The following SLC22A3 variants were observed in gnomAD, a reference collection of about 807,000 sequenced individuals.
SLC22A3 encodes the protein EMT organic cation transporter 3.
SLC22A3 carries 51 observed loss-of-function variants against 59.1 expected under a neutral mutation model. The ratio of observed to expected loss-of-function variants is 0.86; its 90% CI spans 0.69 to 1.09. The LOEUF is 1.09. SLC22A3 is among the 50% of genes least tolerant of loss of function. The pLI, the probability that SLC22A3 is intolerant of heterozygous loss-of-function variation, is 0.00. For synonymous variants in SLC22A3, 325 were observed against 292.0 expected (o/e 1.11, Z -1.15); for missense variants, 711 against 726.3 (o/e 0.98, Z 0.24).
chr6:160,411,586 T>G (rs903805816), intron 5 of SLC22A3, among the ~76,000 whole-genome samples: 3 of 151,936 alleles, frequency 2.0e-5, no homozygotes, highest in African/African-American at 7.3e-5. Flanking sequence ...ATAGAAAGTT[T>G]TAAAAACTAT....
At chr6:160,374,007 G>A (rs994782546) in intron 1 of SLC22A3, among the ~76,000 whole-genome samples, 2 of 152,184 alleles carry the variant, frequency 1.3e-5, no homozygotes, top group Non-Finnish European at 2.9e-5. Flanking sequence ...CCCTTTCCAG[G>A]GGAGAGAACA....
intron 2 of SLC22A3, among the ~76,000 whole-genome samples, chr6:160,405,897 G>C (rs565960736): frequency 5.7e-4 from 86 of 152,192 alleles, no homozygotes; most frequent in African/African-American, 1.9e-3. Context: ...TAAAAAAAAG[G>C]ATCAGTGGTT....
At position 160,451,063 on chromosome 6, in the gene SLC22A3, C is replaced by A. The variant is rs751885139; in HGVS notation, c.*7C>A. ...TTCCCGCTCTCACCTTTGAGGCCCC[C>A]GACAAAGACAGAAAGAAGGAGCTAT... On this transcript the variant is annotated 3_prime_UTR_variant, in exon 11 of 11. Coordinates refer to ENST00000275300, the MANE Select transcript of SLC22A3 (RefSeq NM_021977.4). 1.3e-6 allele frequency: 2 copies of A among 1,587,762 alleles called. No individual in the cohort carries two copies. The highest frequency in any genetic ancestry group is 4.6e-5 in the East Asian group (2 of 43,636).
chr6:160,443,783 T>C lies in SLC22A3; in HGVS notation c.1510+41T>C, dbSNP rs750491631. 9 of 1,215,270 alleles carry C rather than the reference T, an allele frequency of 7.4e-6. No individual in the cohort carries two copies. In the South Asian group the frequency reaches 9.6e-5, roughly 13 times the overall value. The allele number at this position is 1,215,270 out of a possible 1,614,324, so 75.3% of individuals were successfully genotyped here. On this transcript the variant is annotated intron_variant, in intron 9 of 10. Transcript: ENST00000275300. The stretch of plus-strand genomic sequence containing the variant: ...CTATTCTTAAGAGCCTTCATCTACA[T>C]TCTTTGTACTAAAAGAGACCTATAA...
intron 1 of SLC22A3, among the ~76,000 whole-genome samples, chr6:160,392,447 C>A (rs942553969): frequency 6.6e-6 from 1 of 152,196 alleles, no homozygotes; most frequent in African/African-American, 2.4e-5. Flanking sequence ...CAGAAATTGA[C>A]CTTGGCTCCC....
chr6:160,435,318 TA>T (rs1165091546), intron 5 of SLC22A3, among the ~76,000 whole-genome samples: 1 of 152,234 alleles, frequency 6.6e-6, no homozygotes, highest in East Asian at 1.9e-4. Flanking sequence ...TATGTACCAC[TA>T]AGTAAAGGAA....
intron 1 of SLC22A3, among the ~76,000 whole-genome samples, chr6:160,388,012 C>T (rs895440745): frequency 6.6e-6 from 1 of 152,160 alleles, no homozygotes; most frequent in Non-Finnish European, 1.5e-5. Flanking sequence ...CCCAGATGAG[C>T]TGGGAGGCAG....
chr6:160,419,445 C>G (rs1033319621), intron 5 of SLC22A3, among the ~76,000 whole-genome samples: 2 of 152,128 alleles, frequency 1.3e-5, no homozygotes, highest in Non-Finnish European at 2.9e-5. Flanking sequence ...TCTTTGTTAA[C>G]TGTTGTGTTT....
chr6:160,368,331 GCTTATTTTC>G (rs1785278748), intron 1 of SLC22A3, among the ~76,000 whole-genome samples: 1 of 152,140 alleles, frequency 6.6e-6, no homozygotes, highest in Non-Finnish European at 1.5e-5. Context: ...CCTGTTGAAA[GCTTATTTTC>G]CACCTGTGCT....
chr6:160,443,568 T>C (rs549604358), intron 8 of SLC22A3, 62 bp from the exon 9 acceptor site: 340 of 1,104,604 alleles, frequency 3.1e-4, no homozygotes, highest in Non-Finnish European at 4.3e-4. Context: ...TCTGAATATG[T>C]TGATTATCTT....
intron 5 of SLC22A3, among the ~76,000 whole-genome samples, chr6:160,428,706 A>G (rs1345282244): frequency 6.6e-6 from 1 of 152,232 alleles, no homozygotes; most frequent in Non-Finnish European, 1.5e-5. Flanking sequence ...CTTACTGGAC[A>G]GCATTGGTCC....
In SLC22A3 at chr6:160,446,116, G is replaced by C. The variant is rs567250605; in HGVS notation, c.1511-1603G>C. Among the ~76,000 whole-genome samples the C allele has an allele frequency of 2.6e-5, 4 of 152,346 alleles. No individual in the cohort carries two copies. In the East Asian group the frequency reaches 7.7e-4, roughly 29 times the overall value. Reference sequence around the variant, plus strand: ...AGGTGGCCAAGGAAGTGGAAACCAAGTGAGAAGCCCGAGGCAGGAGGGCAC... The same window carrying C: ...AGGTGGCCAAGGAAGTGGAAACCAACTGAGAAGCCCGAGGCAGGAGGGCAC... On this transcript the variant is annotated intron_variant, in intron 9 of 10. Transcript: ENST00000275300.
rs543980559 is a variant in SLC22A3 at position 160,389,086 on chromosome 6, C to T, written c.430-8893C>T. 1.9e-3 allele frequency among the ~76,000 whole-genome samples: 284 copies of T among 152,272 alleles called. 1 individual carries two copies. The highest frequency in any genetic ancestry group is 6.6e-3 in the African/African-American group (276 of 41,566). On this transcript the variant is annotated intron_variant, in intron 1 of 10. Transcript: ENST00000275300. ...CAAAGAGGTGAATGTATTAGATAGT[C>T]ACTGGCTAGAGCATCCAATTTAGTC...
intron 1 of SLC22A3, among the ~76,000 whole-genome samples, chr6:160,373,800 T>C (rs189407223): frequency 1.3e-5 from 2 of 152,144 alleles, no homozygotes; most frequent in African/African-American, 2.4e-5. Context: ...AGGCTTTGTT[T>C]ACACGGTGAG....
chr6:160,445,645 G>C (rs1269863001), intron 9 of SLC22A3, among the ~76,000 whole-genome samples: 1 of 152,182 alleles, frequency 6.6e-6, no homozygotes, highest in Non-Finnish European at 1.5e-5. Context: ...CTAATAAAGG[G>C]ATGGCAATGG....
chr6:160,436,940 A>G (rs1788359340), intron 6 of SLC22A3, 57 bp from the exon 7 acceptor site: 1 of 1,612,354 alleles, frequency 6.2e-7, no homozygotes, highest in East Asian at 2.2e-5. Flanking sequence ...CCCTTCCTTC[A>G]AATCAGCTTG....
At chr6:160,425,361 G>A (rs917294314) in intron 5 of SLC22A3, among the ~76,000 whole-genome samples, 5 of 152,078 alleles carry the variant, frequency 3.3e-5, no homozygotes, top group African/African-American at 1.2e-4. Context: ...ATCTTCATTT[G>A]TTCCTCCATT....
At chr6:160,441,607 C>T (rs186151590) in intron 7 of SLC22A3, among the ~76,000 whole-genome samples, 2 of 136,596 alleles carry the variant, frequency 1.5e-5, no homozygotes. Context: ...TGAATTTTAG[C>T]TTTTTTTTTT....
chr6:160,410,826 C>T lies in SLC22A3; in HGVS notation c.955C>T (p.Leu319Phe). 6.2e-7 allele frequency: 1 copy of T among 1,605,092 alleles called. No homozygotes were observed. Among genetic ancestry groups the T allele is most frequent in the Non-Finnish European group, 8.5e-7 (1 of 1,172,286 alleles). ...CATTGCTAAGTGCAATGGGAAATAC[C>T]TCTCATCAAATTACTCAGAGGTAAT... The part of the protein sequence containing the change: ...RRIAKCNGKY[L>F]SSNYSEITVT... The change falls in exon 5 of 11, where the codon CTC becomes TTC. Residue 319 changes from leucine (L) to phenylalanine (F), a missense_variant. Coordinates refer to ENST00000275300, the MANE Select transcript of SLC22A3 (RefSeq NM_021977.4).
Sources: gnomAD v4.1 joint callset for allele counts (sites outside exome capture counted in the v4.1 genomes callset) on GRCh38, gnomAD v4.1.1 for gene constraint, MANE v1.5 for transcripts, NCBI Gene and HGNC (gene_info 2026-07-23, HGNC 2026-07-21) for gene names.